The following NCKAP5 variants were observed in gnomAD, a reference collection of about 807,000 sequenced individuals.
NCKAP5 encodes nck-associated protein 5.
In NCKAP5, 92 loss-of-function variants were observed where a neutral mutation model predicts 167.0. That is an observed-to-expected ratio of 0.55 (90% confidence interval 0.47 to 0.66). The LOEUF is 0.66. Ranked by LOEUF, NCKAP5 falls within the 30% of genes least tolerant of loss-of-function variation. The pLI is 0.00. For synonymous variants in NCKAP5, 891 were observed against 877.4 expected, an observed-to-expected ratio of 1.02 and a Z score of -0.27; for missense variants, 2,378 against 2,315.0, an observed-to-expected ratio of 1.03 and a Z score of -0.56.
chr2:133,028,574 A>C (rs1345599181), intron 6 of NCKAP5, among the ~76,000 whole-genome samples: 1 of 152,240 alleles, frequency 6.6e-6, no homozygotes, highest in Non-Finnish European at 1.5e-5. Flanking sequence ...ACAAGGTAGG[A>C]GTACACTATT....
intron 1 of NCKAP5, among the ~76,000 whole-genome samples, chr2:133,562,881 G>A (rs1207864728): frequency 6.6e-6 from 1 of 152,128 alleles, no homozygotes; most frequent in Non-Finnish European, 1.5e-5. Flanking sequence ...TAAATGTGTG[G>A]GTAATGTTCT....
intron 11 of NCKAP5, among the ~76,000 whole-genome samples, chr2:132,851,278 G>A (rs1689055855): frequency 1.3e-5 from 2 of 152,118 alleles, no homozygotes; most frequent in Non-Finnish European, 1.5e-5. Context: ...CTGAGCTTGT[G>A]TGTGCTTGTA....
At chr2:133,132,917 C>A (rs1162376935) in intron 5 of NCKAP5, among the ~76,000 whole-genome samples, 1 of 152,122 alleles carries the variant, frequency 6.6e-6, no homozygotes, top group Non-Finnish European at 1.5e-5. Flanking sequence ...ACCTTGTGAT[C>A]TGCCCGCCTC....
chr2:133,349,666 A>G (rs528825128), intron 3 of NCKAP5, among the ~76,000 whole-genome samples: 37 of 152,330 alleles, frequency 2.4e-4, no homozygotes, highest in African/African-American at 8.7e-4. Context: ...TTAGGTTCAC[A>G]TGTTTGGCAT....
chr2:133,099,254 G>C (rs1264910952), intron 6 of NCKAP5, among the ~76,000 whole-genome samples: 1 of 152,052 alleles, frequency 6.6e-6, no homozygotes, highest in East Asian at 1.9e-4. Flanking sequence ...ACAGTAACAA[G>C]TTCAAATTTT....
the NCKAP5 span, among the ~76,000 whole-genome samples, chr2:133,586,527 G>A: frequency 2.6e-5 from 4 of 152,210 alleles, no homozygotes; most frequent in Admixed American, 6.5e-5. Flanking sequence ...ACAGGTCATC[G>A]CTCAAGGACA....
intron 6 of NCKAP5, among the ~76,000 whole-genome samples, chr2:133,084,862 A>T (rs2149606184): frequency 6.6e-6 from 1 of 152,276 alleles, no homozygotes; most frequent in East Asian, 1.9e-4. Flanking sequence ...GAGAGACTTC[A>T]TCGCCTTAAG....
intron 6 of NCKAP5, among the ~76,000 whole-genome samples, chr2:133,042,366 G>C (rs891872595): frequency 2.0e-5 from 3 of 152,072 alleles, no homozygotes; most frequent in African/African-American, 7.2e-5. Flanking sequence ...ATGTAGCCTG[G>C]GTGGGAGGAT....
At chr2:133,662,594 C>T in the NCKAP5 span, among the ~76,000 whole-genome samples, 12 of 144,464 alleles carry the variant, frequency 8.3e-5, no homozygotes, top group East Asian at 2.8e-3. Context: ...ATCACAATAC[C>T]ATTAGGTTGG....
At chr2:133,592,340 A>G in the NCKAP5 span, among the ~76,000 whole-genome samples, 4 of 152,208 alleles carry the variant, frequency 2.6e-5, no homozygotes. Flanking sequence ...GTGTTTAGGC[A>G]TTTATTTATT....
intron 3 of NCKAP5, among the ~76,000 whole-genome samples, chr2:133,421,994 T>C (rs201869494): frequency 2.6e-5 from 4 of 152,230 alleles, no homozygotes; most frequent in East Asian, 1.9e-4. Flanking sequence ...GCATTTGGCA[T>C]TGGGGATAGA....
At chr2:133,533,153 A>G (rs1685496323) in intron 2 of NCKAP5, among the ~76,000 whole-genome samples, 1 of 152,242 alleles carries the variant, frequency 6.6e-6, no homozygotes, top group African/African-American at 2.4e-5. Context: ...CCAAATGACT[A>G]ATATGTTGGG....
intron 6 of NCKAP5, among the ~76,000 whole-genome samples, chr2:133,100,524 A>C (rs2081476762): frequency 6.6e-6 from 1 of 152,126 alleles, no homozygotes; most frequent in Non-Finnish European, 1.5e-5. Flanking sequence ...GTGGTAGGGT[A>C]ATGTCACCTA....
chr2:133,383,263 T>G (rs1216114153), intron 3 of NCKAP5, among the ~76,000 whole-genome samples: 1 of 152,164 alleles, frequency 6.6e-6, no homozygotes. Flanking sequence ...CCCCTTCCTG[T>G]ATCCAAGTGT....
intron 4 of NCKAP5, among the ~76,000 whole-genome samples, chr2:133,249,231 T>G (rs1397054461): frequency 1.3e-5 from 2 of 152,114 alleles, no homozygotes; most frequent in African/African-American, 2.4e-5. Flanking sequence ...CTGGATTTTT[T>G]TGGCAGGGCT....
chr2:133,142,683 T>C (rs925274612), intron 5 of NCKAP5, among the ~76,000 whole-genome samples: 3 of 152,118 alleles, frequency 2.0e-5, no homozygotes, highest in African/African-American at 7.2e-5. Flanking sequence ...GAAATGAAAG[T>C]TTGCAGACCT....
At chr2:132,701,610 C>A (rs1294372171) in intron 19 of NCKAP5, among the ~76,000 whole-genome samples, 1 of 152,252 alleles carries the variant, frequency 6.6e-6, no homozygotes, top group African/African-American at 2.4e-5. Context: ...GATCCTATAT[C>A]TAAAAGTGTT....
chr2:132,984,255 G>A (rs964076140), intron 7 of NCKAP5, among the ~76,000 whole-genome samples: 6 of 152,278 alleles, frequency 3.9e-5, no homozygotes, highest in East Asian at 1.9e-4. Context: ...CTCAGCTGCC[G>A]GAGACTCTAT....
intron 5 of NCKAP5, among the ~76,000 whole-genome samples, chr2:133,192,260 C>G (rs2085259429): frequency 6.6e-6 from 1 of 152,074 alleles, no homozygotes; most frequent in Admixed American, 6.6e-5. Context: ...GAACTTCAAC[C>G]TAAGTCTTAT....
Sources: allele counts gnomAD v4.1 joint callset (sites outside exome capture counted in the v4.1 genomes callset), GRCh38; gene constraint gnomAD v4.1.1; transcripts MANE v1.5; gene names NCBI Gene and HGNC (gene_info 2026-07-23, HGNC 2026-07-21).